Variants in LCOR observed in about 807,000 individuals in gnomAD.
The protein encoded by LCOR is ligand dependent nuclear receptor corepressor.
A neutral mutation model predicts 64.4 loss-of-function variants in LCOR; 14 were observed. That is an observed-to-expected ratio of 0.22 (90% confidence interval 0.14 to 0.34). The LOEUF (loss-of-function observed/expected upper bound fraction) is 0.34, where lower values mean the gene tolerates loss of function less well. LCOR is among the 10% of genes least tolerant of loss of function. The probability of loss-of-function intolerance (pLI) is 1.00; values close to 1 mark genes in which losing one functional copy is unlikely to be tolerated. For missense variants in LCOR, 1,686 were observed against 1,765.3 expected, an observed-to-expected ratio of 0.96 and a Z score of 0.80; for synonymous variants, 643 against 642.5, an observed-to-expected ratio of 1.00 and a Z score of -0.01.
intron 4 of LCOR, among the ~76,000 whole-genome samples, chr10:96,933,184 A>T (rs893794645): frequency 3.3e-5 from 5 of 152,212 alleles, no homozygotes; most frequent in Admixed American, 2.0e-4. Context: ...TTTTAGGGGA[A>T]TATATCAAAT....
intron 4 of LCOR, among the ~76,000 whole-genome samples, chr10:96,909,148 A>G (rs1846784836): frequency 6.6e-6 from 1 of 152,050 alleles, no homozygotes; most frequent in Non-Finnish European, 1.5e-5. Context: ...CAGTCTCTTA[A>G]ATATTCCTAC....
Position 96,932,433 on chromosome 10 carries a change from AG to A in LCOR, c.-183-11678del, listed in dbSNP as rs1361934998. 4.0e-5 allele frequency among the ~76,000 whole-genome samples: 6 copies of A among 151,782 alleles called. No individual in the cohort carries two copies. The East Asian group carries it at 9.6e-4, about 24-fold the overall frequency. ...AATCAGAGAAGTGCAAATTGAAACA[AG>A]GAACCTTTTTTATTTTATTTTATTT... On this transcript the variant is annotated intron_variant, in intron 4 of 7. Transcript: ENST00000421806.
intron 2 of LCOR, among the ~76,000 whole-genome samples, chr10:96,842,286 T>A (rs1488831544): frequency 6.6e-6 from 1 of 152,040 alleles, no homozygotes; most frequent in Non-Finnish European, 1.5e-5. Flanking sequence ...CCCCAGCTGC[T>A]TGGGAGGCTG....
intron 2 of LCOR, among the ~76,000 whole-genome samples, chr10:96,861,386 G>C (rs1272218252): frequency 6.6e-6 from 1 of 152,018 alleles, no homozygotes; most frequent in Non-Finnish European, 1.5e-5. Flanking sequence ...TGTGAGTGTG[G>C]GAAAACAAAA....
At chr10:96,946,852 T>C (rs1296235274) in intron 5 of LCOR, among the ~76,000 whole-genome samples, 1 of 152,120 alleles carries the variant, frequency 6.6e-6, no homozygotes, top group Non-Finnish European at 1.5e-5. Context: ...TGTTTATTAA[T>C]ACTACTTAAA....
At chr10:96,875,388 T>A (rs553585762) in intron 2 of LCOR, among the ~76,000 whole-genome samples, 89 of 150,594 alleles carry the variant, frequency 5.9e-4, no homozygotes, top group South Asian at 1.5e-3. Flanking sequence ...AAAAAAAAAA[T>A]AATAATAATA....
At chr10:96,962,938 C>T (rs1182513786) in intron 7 of LCOR, 1 of 152,212 alleles carries the variant, frequency 6.6e-6, no homozygotes, top group African/African-American at 2.4e-5. Flanking sequence ...AGTTTACACA[C>T]TCTTCTCACT....
chr10:96,908,890 T>C (rs1846778541), intron 4 of LCOR, among the ~76,000 whole-genome samples: 3 of 151,986 alleles, frequency 2.0e-5, no homozygotes, highest in African/African-American at 7.3e-5. Flanking sequence ...TAATTTTTTG[T>C]ATTTTTAGTA....
intron 7 of LCOR, chr10:96,960,202 C>G (rs1847857453): frequency 6.6e-6 from 1 of 152,326 alleles, no homozygotes; most frequent in South Asian, 2.1e-4. Context: ...GCTATCTGTT[C>G]TCCCCCTACC....
At chr10:96,884,486 G>A (rs1846310847) in intron 2 of LCOR, among the ~76,000 whole-genome samples, 1 of 152,200 alleles carries the variant, frequency 6.6e-6, no homozygotes, top group Non-Finnish European at 1.5e-5. Context: ...CTTTGCCAGT[G>A]TTTGGATATC....
chr10:96,885,585 T>TCTTG (rs1233695304), intron 2 of LCOR, among the ~76,000 whole-genome samples: 1 of 135,952 alleles, frequency 7.4e-6, no homozygotes, highest in African/African-American at 2.8e-5. Context: ...TTTAGTAGAG[T>TCTTG]CAAGGTCTTG....
Position 96,847,528 on chromosome 10 carries a change from C to T in LCOR, c.-330+14049C>T, listed in dbSNP as rs149485962. ...CACGATCTCGGCTCACCGCATCCTC[C>T]GCCTCCCAGGTTAAGCAATTCTCCT... is the stretch of plus-strand genomic sequence containing the variant. On this transcript the variant is annotated intron_variant, in intron 2 of 7. Transcript: ENST00000421806. 2.4e-3 allele frequency among the ~76,000 whole-genome samples: 362 copies of T among 152,142 alleles called. 5 individuals carry two copies. Among genetic ancestry groups the T allele is most frequent in the African/African-American group, 7.9e-3 (328 of 41,490 alleles).
rs1347397572 is a variant in LCOR, at chr10:96,985,111, C to T, written c.4651C>T (p.Arg1551Trp). The T allele has an allele frequency of 1.4e-5, 22 of 1,600,146 alleles. No individual in the cohort carries two copies. The highest frequency in any genetic ancestry group is 1.7e-4 in the Middle Eastern group (1 of 5,828). Residue 1551 changes from arginine (R) to tryptophan (W), a missense_variant, in exon 8 of 8, where the codon CGG becomes TGG. Coordinates refer to ENST00000421806, the MANE Select transcript of LCOR (RefSeq NM_001346516.2). ...KAKLDCSHSKRRRLDAK is the reference protein window; with the variant it reads ...KAKLDCSHSKWRRLDAK ...AAAGCTGGACTGTTCGCACAGCAAACGGAGGCGGCTGGATGCAAAGTGATT... is the reference window on the plus strand; with the variant it reads ...AAAGCTGGACTGTTCGCACAGCAAATGGAGGCGGCTGGATGCAAAGTGATT...
intron 4 of LCOR, among the ~76,000 whole-genome samples, chr10:96,931,280 C>G (rs1395249293): frequency 6.7e-6 from 1 of 149,224 alleles, no homozygotes; most frequent in Non-Finnish European, 1.5e-5. Flanking sequence ...GTTTCCCAGG[C>G]TAGAGTGCAG....
At chr10:96,913,496 C>G (rs1846882783) in intron 4 of LCOR, among the ~76,000 whole-genome samples, 1 of 152,126 alleles carries the variant, frequency 6.6e-6, no homozygotes, top group African/African-American at 2.4e-5. Context: ...GTACAGATAA[C>G]ATGGATGATT....
chr10:96,956,745 A>C (rs1828136755), intron 7 of LCOR: 1 of 985,708 alleles, frequency 1.0e-6, no homozygotes, highest in African/African-American at 1.7e-5. Flanking sequence ...CTCCGTATTT[A>C]CTCAGGAGCA....
At chr10:96,881,619 G>C (rs929782005) in intron 2 of LCOR, among the ~76,000 whole-genome samples, 1 of 151,984 alleles carries the variant, frequency 6.6e-6, no homozygotes, top group Non-Finnish European at 1.5e-5. Flanking sequence ...ACCACGCCCG[G>C]CTATTTTTTG....
chr10:96,913,518 A>G (rs1846883000), intron 4 of LCOR, among the ~76,000 whole-genome samples: 1 of 152,208 alleles, frequency 6.6e-6, no homozygotes, highest in African/African-American at 2.4e-5. Context: ...ACTAAGGATG[A>G]TGGGAGAGTA....
chr10:96,979,600 G>A (rs1391319080), intron 7 of LCOR, among the ~76,000 whole-genome samples: 6 of 152,142 alleles, frequency 3.9e-5, no homozygotes, highest in Non-Finnish European at 5.9e-5. Flanking sequence ...TGAAGATCTC[G>A]GAGAATGTAG....
Sources: allele counts gnomAD v4.1 joint callset (sites outside exome capture counted in the v4.1 genomes callset), GRCh38; gene constraint gnomAD v4.1.1; transcripts MANE v1.5; gene names NCBI Gene and HGNC (gene_info 2026-07-23, HGNC 2026-07-21).